NBEAL1: variants seen among roughly 807,000 people sequenced by gnomAD.
NBEAL1 encodes the protein neurobeachin-like protein 1.
In NBEAL1, 273 loss-of-function variants were observed where a neutral mutation model predicts 351.3. The observed-to-expected ratio is 0.78, with a 90% CI of 0.70 to 0.86. The LOEUF is 0.86. Among genes scored for constraint, NBEAL1 ranks in the 40% least tolerant of loss-of-function variants. The pLI is 0.00. For synonymous variants in NBEAL1, 1,050 were observed against 1,086.4 expected, an observed-to-expected ratio of 0.97 and a Z score of 0.66; for missense variants, 2,961 against 3,201.3, an observed-to-expected ratio of 0.92 and a Z score of 1.81.
At chr2:203,145,286 C>A in intron 33 of NBEAL1, 126 bp downstream of exon 33, 1 of 850,378 alleles carries the variant, frequency 1.2e-6, no homozygotes, top group Non-Finnish European at 1.7e-6. Context: ...TAAAAATTAT[C>A]TTAGAATTAG....
In NBEAL1 at chr2:203,207,325, C is replaced by G. The variant is rs1341629607; in HGVS notation, c.7507-1312C>G. Among the ~76,000 whole-genome samples the G allele has an allele frequency of 4.7e-5, 7 of 148,966 alleles. No individual in the cohort carries two copies. The South Asian group carries it at 1.1e-3, about 23-fold the overall frequency. On this transcript the variant is annotated intron_variant, in intron 51 of 55. Transcript: ENST00000683969. ...CCCCCGCCCGGCCAGCCGCCCCCTC[C>G]GGGAGGTGAGGGGCGCCTCTGCCCG... is the stretch of plus-strand genomic sequence containing the variant.
chr2:203,081,361 A>G (rs899616917), intron 8 of NBEAL1, among the ~76,000 whole-genome samples: 2 of 152,206 alleles, frequency 1.3e-5, no homozygotes, highest in Admixed American at 6.5e-5. Flanking sequence ...CTAACTAGTT[A>G]TGTGACTTTG....
Position 203,112,053 on chromosome 2 carries a change from A to G in NBEAL1, c.2157A>G (p.Gly719=). 1 of 1,552,718 alleles carries G rather than the reference A, an allele frequency of 6.4e-7. No homozygotes were observed. Among genetic ancestry groups the G allele is most frequent in the Non-Finnish European group, 8.7e-7 (1 of 1,147,228 alleles). Residue 719 remains glycine (G), a synonymous_variant, in exon 16 of 56, where the codon GGA becomes GGG. Coordinates refer to ENST00000683969, the MANE Select transcript of NBEAL1 (RefSeq NM_001378026.1). The part of the protein sequence containing the change: ...GQSFVYIYDN[G]QQKVSAPLRF... Reference sequence around the variant, plus strand: ...GCTTCGTCTATATCTATGACAATGGACAACAGAAGGTTTCTGCCCCTCTCA... The same window carrying G: ...GCTTCGTCTATATCTATGACAATGGGCAACAGAAGGTTTCTGCCCCTCTCA...
intron 10 of NBEAL1, among the ~76,000 whole-genome samples, chr2:203,092,495 A>G (rs2062086938): frequency 6.6e-6 from 1 of 151,940 alleles, no homozygotes; most frequent in South Asian, 2.1e-4. Context: ...AACCCAGGAG[A>G]TGGAGGTTGC....
intron 51 of NBEAL1, 34 bp downstream of exon 51, chr2:203,202,815 C>A: frequency 8.4e-7 from 1 of 1,192,966 alleles, no homozygotes; most frequent in South Asian, 1.2e-5. Context: ...TGAATTAGGT[C>A]AGAGATTCAC....
intron 55 of NBEAL1, among the ~76,000 whole-genome samples, chr2:203,216,479 C>T (rs761604819): frequency 2.0e-5 from 3 of 151,816 alleles, no homozygotes; most frequent in African/African-American, 4.8e-5. Context: ...TGTGTTGGCT[C>T]ACACCTGTAA....
chr2:203,186,918 T>C (rs1012294509), intron 44 of NBEAL1, among the ~76,000 whole-genome samples: 3 of 152,324 alleles, frequency 2.0e-5, no homozygotes, highest in African/African-American at 7.2e-5. Flanking sequence ...TCTAGTTGAG[T>C]GGGTCTGTGG....
intron 2 of NBEAL1, among the ~76,000 whole-genome samples, chr2:203,018,292 A>G (rs531536096): frequency 1.6e-5 from 2 of 124,466 alleles, no homozygotes; most frequent in Non-Finnish European, 3.4e-5. Context: ...TCACACTTTT[A>G]ATGAGCTTTC....
Position 203,190,742 on chromosome 2 carries a change from C to T in NBEAL1, c.6921+353C>T, listed in dbSNP as rs2065047852. The T allele has an allele frequency of 5.6e-6, 9 of 1,605,716 alleles. No individual in the cohort carries two copies. The South Asian group carries it at 1.0e-4, about 18-fold the overall frequency. On this transcript the variant is annotated intron_variant, in intron 46 of 55. Coordinates refer to ENST00000683969, the MANE Select transcript of NBEAL1 (RefSeq NM_001378026.1). ...CCAAGGTGCAACTTTCTTCGGTCGT[C>T]CCGAATCCGGGTTCATCCAACACCA...
chr2:203,047,048 G>T (rs770295939), intron 3 of NBEAL1, among the ~76,000 whole-genome samples: 12 of 152,022 alleles, frequency 7.9e-5, no homozygotes, highest in Non-Finnish European at 1.5e-4. Flanking sequence ...TGGCAAGGCT[G>T]ACCAACATGG....
intron 10 of NBEAL1, among the ~76,000 whole-genome samples, chr2:203,090,086 A>T (rs545872043): frequency 5.3e-5 from 8 of 152,338 alleles, no homozygotes; most frequent in African/African-American, 1.9e-4. Flanking sequence ...TGACATATGG[A>T]TTGATTTTTT....
chr2:203,117,297 T>C (rs537601500), intron 18 of NBEAL1, among the ~76,000 whole-genome samples: 2 of 151,698 alleles, frequency 1.3e-5, no homozygotes, highest in East Asian at 2.0e-4. Flanking sequence ...ACCCCGTCTC[T>C]ATAAAAATAC....
At chr2:203,151,271 G>A (rs2063644758) in intron 34 of NBEAL1, among the ~76,000 whole-genome samples, 194 bp from the exon 35 acceptor site, 1 of 152,192 alleles carries the variant, frequency 6.6e-6, no homozygotes, top group Admixed American at 6.5e-5. Flanking sequence ...GGCAGAGGTT[G>A]CAGTGAGCTG....
At chr2:203,141,765 A>G (rs1188854499) in intron 31 of NBEAL1, among the ~76,000 whole-genome samples, 1 of 152,068 alleles carries the variant, frequency 6.6e-6, no homozygotes, top group East Asian at 1.9e-4. Context: ...ATTCTCTCAG[A>G]AATAAAAACA....
At chr2:203,168,096 T>C (rs538131813) in intron 38 of NBEAL1, among the ~76,000 whole-genome samples, 2 of 152,220 alleles carry the variant, frequency 1.3e-5, no homozygotes, top group South Asian at 2.1e-4. Flanking sequence ...ATTCTTCTAG[T>C]TTTACAAAAG....
At position 203,076,845 on chromosome 2, in the gene NBEAL1, GC is replaced by G. The variant is rs534460879; in HGVS notation, c.599-905del. 3.4e-4 allele frequency among the ~76,000 whole-genome samples: 51 copies of G among 151,768 alleles called. No individual in the cohort carries two copies. In the East Asian group the frequency reaches 6.5e-3, roughly 19 times the overall value. The stretch of plus-strand genomic sequence containing the variant: ...GACCTCAGGTGATCCGCCTGCCTCG[GC>G]CTCCCAAAGTGCTGGGATTACAGGC... On this transcript the variant is annotated intron_variant, in intron 7 of 55. Coordinates refer to ENST00000683969, the MANE Select transcript of NBEAL1 (RefSeq NM_001378026.1).
At chr2:203,139,590 A>T (rs1445757614) in intron 31 of NBEAL1, among the ~76,000 whole-genome samples, 1 of 43,232 alleles carries the variant, frequency 2.3e-5, no homozygotes, top group Admixed American at 3.8e-4. Flanking sequence ...TTTTTTTGAG[A>T]CAGAGTGTCT....
At chr2:203,040,532 T>C in intron 2 of NBEAL1, 1 of 670,206 alleles carries the variant, frequency 1.5e-6, no homozygotes, top group Non-Finnish European at 2.8e-6. Context: ...ACCTGGGGAT[T>C]TCCAAATCTG....
intron 27 of NBEAL1, among the ~76,000 whole-genome samples, chr2:203,134,886 AG>A (rs1265213245): frequency 6.6e-6 from 1 of 152,212 alleles, no homozygotes; most frequent in East Asian, 1.9e-4. Flanking sequence ...TGAACAAAAA[AG>A]TTTTTGCAAA....
Sources: gnomAD v4.1 joint callset for allele counts (sites outside exome capture counted in the v4.1 genomes callset) on GRCh38, gnomAD v4.1.1 for gene constraint, MANE v1.5 for transcripts, NCBI Gene and HGNC (gene_info 2026-07-23, HGNC 2026-07-21) for gene names.